Variants in IDO2 observed in about 807,000 individuals in gnomAD.
IDO2 encodes the protein indoleamine 2,3-dioxygenase-like 1 protein.
In IDO2, 46 loss-of-function variants were observed where a neutral mutation model predicts 45.1. That is an observed-to-expected ratio of 1.02 (90% CI 0.80 to 1.30). The LOEUF (loss-of-function observed/expected upper bound fraction) is 1.30, where lower values mean the gene tolerates loss of function less well. IDO2 is among the 50% of genes most tolerant of loss of function. IDO2 has a pLI of 0.00. For synonymous variants in IDO2, 218 were observed against 184.9 expected, an observed-to-expected ratio of 1.18 and a Z score of -1.45; for missense variants, 544 against 491.8, an observed-to-expected ratio of 1.11 and a Z score of -1.00.
chr8:39,935,304 G>GA, intron 1 of IDO2, 86 bp downstream of exon 1: 1 of 1,057,426 alleles, frequency 9.5e-7, no homozygotes, highest in Non-Finnish European at 1.4e-6. Context: ...AACTCAATTG[G>GA]AAAATCACTG....
chr8:39,998,781 C>T (rs62511374), intron 8 of IDO2, among the ~76,000 whole-genome samples: 16,854 of 151,278 alleles, frequency 0.11, 1,376 homozygotes, highest in East Asian at 0.34. Flanking sequence ...GCTGAGATTA[C>T]AGGTGCACAC....
intron 8 of IDO2, among the ~76,000 whole-genome samples, chr8:39,998,735 G>T (rs1452008631): frequency 6.9e-6 from 1 of 143,968 alleles, no homozygotes. Flanking sequence ...GTGCCTCCCC[G>T]GTTCAAGCAA....
intron 9 of IDO2, among the ~76,000 whole-genome samples, chr8:40,008,046 T>G (rs1438277224): frequency 1.4e-4 from 3 of 20,950 alleles, no homozygotes; most frequent in Non-Finnish European, 2.6e-4. Flanking sequence ...GCACTGGCAC[T>G]TTTTTTTTTT....
intron 2 of IDO2, among the ~76,000 whole-genome samples, chr8:39,960,198 G>C (rs1431888596): frequency 6.6e-6 from 1 of 152,114 alleles, no homozygotes. Flanking sequence ...TTTAGGTTGA[G>C]GTCCCTGGTC....
At chr8:39,979,027 C>T (rs1164895611) in intron 3 of IDO2, 40 bp from the exon 4 acceptor site, 11 of 1,552,662 alleles carry the variant, frequency 7.1e-6, no homozygotes, top group Middle Eastern at 1.7e-4. Flanking sequence ...TGTCCCGGTT[C>T]CCATCCCTCC....
chr8:39,941,036 C>T (rs1484924248), intron 1 of IDO2, among the ~76,000 whole-genome samples: 2 of 150,900 alleles, frequency 1.3e-5, no homozygotes, highest in Non-Finnish European at 2.9e-5. Flanking sequence ...GCCTGGCCAA[C>T]ATGGTGAAAC....
Position 39,940,496 on chromosome 8 carries a change from T to C in IDO2, c.-18+5278T>C, listed in dbSNP as rs1807626624. Among the ~76,000 whole-genome samples, 4 of 152,310 alleles carry C rather than the reference T, an allele frequency of 2.6e-5. No individual in the cohort carries two copies. In the South Asian group the frequency reaches 8.3e-4, roughly 32 times the overall value. ...AATGAGGTACAGATTGATTGTAGAA[T>C]TTTGCAGAAAGAAAACAATTCTGAA... On this transcript the variant is annotated intron_variant, in intron 1 of 10. Coordinates refer to ENST00000502986, the Ensembl canonical transcript of IDO2.
At chr8:39,962,483 TA>T (rs1200295902) in intron 2 of IDO2, among the ~76,000 whole-genome samples, 2 of 152,212 alleles carry the variant, frequency 1.3e-5, no homozygotes, top group African/African-American at 4.8e-5. Flanking sequence ...ACATTTCATG[TA>T]ACTTTCTAGG....
intron 2 of IDO2, among the ~76,000 whole-genome samples, chr8:39,957,232 G>T (rs1807918853): frequency 6.6e-6 from 1 of 151,878 alleles, no homozygotes; most frequent in African/African-American, 2.4e-5. Flanking sequence ...GTAGCCCTAG[G>T]ACTATTGTCT....
chr8:40,010,579 G>T (rs1563443225), intron 9 of IDO2, among the ~76,000 whole-genome samples: 1 of 152,168 alleles, frequency 6.6e-6, no homozygotes. Context: ...ATCCAGGGTG[G>T]TGGCTTGTAC....
chr8:39,973,866 C>T (rs1223307303), intron 3 of IDO2, among the ~76,000 whole-genome samples: 3 of 151,838 alleles, frequency 2.0e-5, no homozygotes, highest in Admixed American at 6.6e-5. Flanking sequence ...CTCAGCCTCC[C>T]GAGTAGTTGG....
At chr8:39,989,826 G>A in exon 8 of IDO2, 2 of 1,592,200 alleles carry the variant, frequency 1.3e-6, no homozygotes, top group Non-Finnish European at 1.7e-6. Flanking sequence ...CAAAACCTTA[G>A]GACAGATGCA....
intron 9 of IDO2, among the ~76,000 whole-genome samples, chr8:40,009,081 CT>C (rs1802265827): frequency 6.6e-6 from 1 of 152,206 alleles, no homozygotes; most frequent in South Asian, 2.1e-4. Flanking sequence ...ATGGCGCAAT[CT>C]TGGCTCACTG....
At chr8:39,981,695 T>C (rs547927264) in intron 4 of IDO2, among the ~76,000 whole-genome samples, 1 of 152,270 alleles carries the variant, frequency 6.6e-6, no homozygotes, top group Non-Finnish European at 1.5e-5. Flanking sequence ...TAAAGCTCTT[T>C]AGTGTTTTCC....
Position 40,013,730 on chromosome 8 carries a change from G to A in IDO2, c.868+17G>A, listed in dbSNP as rs1389570463. The stretch of plus-strand genomic sequence containing the variant: ...AGGAAAGTGGTAAGTCAGACATTTT[G>A]TTTTCCCTTGAGAGTAGAGGGAGGA... On this transcript the variant is annotated intron_variant, in intron 10 of 10. Coordinates refer to ENST00000502986, the Ensembl canonical transcript of IDO2. 6 of 1,573,752 alleles carry A rather than the reference G, an allele frequency of 3.8e-6. No individual in the cohort carries two copies. The African/African-American group carries it at 4.1e-5, about 11-fold the overall frequency.
chr8:39,986,711 TA>T (rs1468129380), intron 6 of IDO2, among the ~76,000 whole-genome samples: 1 of 149,626 alleles, frequency 6.7e-6, no homozygotes, highest in Non-Finnish European at 1.5e-5. Flanking sequence ...GATAGATAGA[TA>T]GATAGACGGA....
rs1435229930 is a variant in IDO2, at chr8:39,995,224, TCTC to T, written c.667+5389_667+5391del. 3.1e-3 allele frequency: 252 copies of T among 80,788 alleles called. 4 individuals carry two copies. The highest frequency in any genetic ancestry group is 0.014 in the African/African-American group (240 of 16,868). 5.0% of individuals were successfully genotyped at this position (80,788 alleles called of 1,614,324 possible). On this transcript the variant is annotated intron_variant, in intron 8 of 10. Transcript: ENST00000502986. ...TTCTCCTTCTCCTTCTCCTTCTCCT[TCTC>T]CTTCTCCTTCTCCTTCTCCTTCTCC...
At chr8:40,014,908 G>A (rs1249029717) in intron 10 of IDO2, among the ~76,000 whole-genome samples, 1 of 152,162 alleles carries the variant, frequency 6.6e-6, no homozygotes, top group Admixed American at 6.6e-5. Flanking sequence ...CAAAATTTTG[G>A]AAGTCTGAGG....
chr8:39,966,285 C>G (rs985877768), intron 3 of IDO2, among the ~76,000 whole-genome samples: 1 of 152,098 alleles, frequency 6.6e-6, no homozygotes, highest in African/African-American at 2.4e-5. Context: ...CCTCAGCCTC[C>G]CAAAGCCCTG....
Sources: allele counts gnomAD v4.1 joint callset (sites outside exome capture counted in the v4.1 genomes callset), GRCh38; gene constraint gnomAD v4.1.1; transcripts MANE v1.5; gene names NCBI Gene and HGNC (gene_info 2026-07-23, HGNC 2026-07-21).